The following PPP1R12C variants were observed in gnomAD, a reference collection of about 807,000 sequenced individuals.
PPP1R12C encodes the protein leukocyte receptor cluster (LRC) encoded novel gene 3.
In PPP1R12C, 48 loss-of-function variants were observed where a neutral mutation model predicts 95.6. That is an observed-to-expected ratio of 0.50 (90% CI 0.40 to 0.64). The LOEUF (loss-of-function observed/expected upper bound fraction) is 0.64, where lower values mean the gene tolerates loss of function less well. Ranked by LOEUF, PPP1R12C falls within the 30% of genes least tolerant of loss-of-function variation. PPP1R12C has a pLI of 0.00. For missense variants in PPP1R12C, 1,057 were observed against 1,083.3 expected, an observed-to-expected ratio of 0.98 and a Z score of 0.34; for synonymous variants, 480 against 460.8, an observed-to-expected ratio of 1.04 and a Z score of -0.53.
In PPP1R12C at chr19:55,092,553, G is replaced by A; in HGVS notation, c.1953-9C>T. On this transcript the variant is annotated splice_polypyrimidine_tract_variant and intron_variant, in intron 17 of 21. Coordinates refer to ENST00000263433, the MANE Select transcript of PPP1R12C (RefSeq NM_017607.4). ...GGCCGCCCTCCAGGGTGCTGGGGCA[G>A]GGGAGGAGCGCGCGTCAGGGGCCGG... The A allele has an allele frequency of 6.3e-7, 1 of 1,592,926 alleles. No homozygotes were observed. The highest frequency in any genetic ancestry group is 8.5e-7 in the Non-Finnish European group (1 of 1,170,430).
At chr19:55,104,312 CTA>C (rs1317289207) in intron 3 of PPP1R12C, among the ~76,000 whole-genome samples, 1 of 147,496 alleles carries the variant, frequency 6.8e-6, no homozygotes, top group African/African-American at 2.5e-5. Context: ...TACACATTTC[CTA>C]TATATATAAA....
In PPP1R12C at chr19:55,112,034, G is replaced by A. The variant is rs749886902; in HGVS notation, c.571+433C>T. On this transcript the variant is annotated intron_variant, in intron 3 of 21. Coordinates refer to ENST00000263433, the MANE Select transcript of PPP1R12C (RefSeq NM_017607.4). ...CCCCATATGAAGGCTCCTGGGGTAC[G>A]ATGAGTCTCAGAGGACAGGGAGACC... is the stretch of plus-strand genomic sequence containing the variant. 3.1e-5 allele frequency: 5 copies of A among 159,480 alleles called. 1 individual carries two copies. The highest frequency in any genetic ancestry group is 6.2e-3 in the Middle Eastern group (2 of 322). 9.9% of individuals were successfully genotyped at this position (159,480 alleles called of 1,614,324 possible).
chr19:55,098,820 C>T lies in PPP1R12C; in HGVS notation c.915G>A (p.Leu305=), dbSNP rs1233888505. 2 of 1,613,564 alleles carry T rather than the reference C, an allele frequency of 1.2e-6. No individual in the cohort carries two copies. The highest frequency in any genetic ancestry group is 4.5e-5 in the East Asian group (2 of 44,866). ...RPCDLADEEV[L]SLLEELARKQ... ...TCCGGGCCAGTTCCTCCAACAGGCT[C>T]AGTACTTCCTCATCGGCCAGGTCAC... The change falls in exon 6 of 22, where the codon CTG becomes CTA. Residue 305 remains leucine (L), a synonymous_variant. Transcript: ENST00000263433.
rs140838315 is a variant in PPP1R12C, at chr19:55,091,543, G to A, written c.2278C>T (p.Arg760Cys). The stretch of plus-strand genomic sequence containing the variant: ...TCCTTGAGGCGCTGGTTGTCAGCGC[G>A]GAGGTCAGACAGGGCCTGGGGGACG... ...EEELKALSDL[R>C]ADNQRLKDEN... The change falls in exon 22 of 22, where the codon CGC (arginine) becomes TGC (cysteine). Residue 760 changes from arginine to cysteine, a missense_variant. Transcript: ENST00000263433. 34 of 1,613,672 alleles carry A rather than the reference G, an allele frequency of 2.1e-5. No individual in the cohort carries two copies. Among genetic ancestry groups the A allele is most frequent in the Non-Finnish European group, 2.5e-5 (29 of 1,179,974 alleles).
At chr19:55,116,810 G>A (rs771307841) in intron 1 of PPP1R12C, among the ~76,000 whole-genome samples, 10 of 152,218 alleles carry the variant, frequency 6.6e-5, no homozygotes, top group Non-Finnish European at 1.2e-4. Flanking sequence ...GGCAGGGAAG[G>A]AGACAAAGTC....
Position 55,091,324 on chromosome 19 carries a change from C to T in PPP1R12C, c.*148G>A. 1 of 868,106 alleles carries T rather than the reference C, an allele frequency of 1.2e-6. No individual in the cohort carries two copies. Among genetic ancestry groups the T allele is most frequent in the Non-Finnish European group, 1.8e-6 (1 of 568,148 alleles). 53.8% of individuals were successfully genotyped at this position (868,106 alleles called of 1,614,324 possible). A position where few individuals can be genotyped will look rare whatever the true frequency, so the allele number is the denominator to read the frequency against. On this transcript the variant is annotated 3_prime_UTR_variant, in exon 22 of 22. Transcript: ENST00000263433. The stretch of plus-strand genomic sequence containing the variant: ...GTGGCCCCCTCGGCTCCTGGGGACT[C>T]TGCTCCCCTCCCAGTCCGGAGGTCC...
chr19:55,099,193 A>G (rs992007692), intron 4 of PPP1R12C, 98 bp from the exon 5 acceptor site: 1 of 1,349,002 alleles, frequency 7.4e-7, no homozygotes, highest in African/African-American at 1.5e-5. Flanking sequence ...CCAGGCCACG[A>G]GACTGAAACG....
In PPP1R12C at chr19:55,098,843, C is replaced by A; in HGVS notation, c.892G>T (p.Asp298Tyr). ...CTCAGTACTTCCTCATCGGCCAGGT[C>A]ACAGGGACGCTGCCCCTGGGTCAGG... ...SLTHAGQRPC[D>Y]LADEEVLSLL... The change falls in exon 6 of 22, where the codon GAC (aspartate) becomes TAC (tyrosine). Residue 298 changes from aspartate to tyrosine, a missense_variant. Physicochemically the swap from Asp to Tyr is radical, Grantham distance 160 (BLOSUM62 -3). Transcript: ENST00000263433. 1 of 1,613,426 alleles carries A rather than the reference C, an allele frequency of 6.2e-7. No individual in the cohort carries two copies. Among genetic ancestry groups the A allele is most frequent in the South Asian group, 1.1e-5 (1 of 91,076 alleles).
chr19:55,113,471 C>T (rs1173495876), intron 1 of PPP1R12C: 1 of 1,477,818 alleles, frequency 6.8e-7, no homozygotes, highest in Admixed American at 2.4e-5. Context: ...CAGGGGCTGA[C>T]ACGGGCCACC....
At position 55,096,145 on chromosome 19, in the gene PPP1R12C, C is replaced by T; in HGVS notation, c.1059G>A (p.Lys353=). 1 of 1,599,722 alleles carries T rather than the reference C, an allele frequency of 6.3e-7. No homozygotes were observed. Among genetic ancestry groups the T allele is most frequent in the South Asian group, 1.1e-5 (1 of 89,794 alleles). The change falls in exon 8 of 22, where the codon AAG becomes AAA. Residue 353 remains lysine, a synonymous_variant. Coordinates refer to ENST00000263433, the MANE Select transcript of PPP1R12C (RefSeq NM_017607.4). ...CCTTGGACAAGTCCTGGAGGGAAAT[C>T]TTCTCGCGACTGCTCAGACGACACA... ...SSVCRLSSRE[K]ISLQDLSKER...
intron 6 of PPP1R12C, among the ~76,000 whole-genome samples, chr19:55,097,474 A>G (rs113042860): frequency 2.1e-5 from 2 of 93,092 alleles, no homozygotes; most frequent in Non-Finnish European, 4.1e-5. Context: ...CCGTCTTCAC[A>G]CCTTCCCCGC....
chr19:55,097,357 C>T (rs2084929549), intron 6 of PPP1R12C, among the ~76,000 whole-genome samples: 1 of 120,564 alleles, frequency 8.3e-6, no homozygotes, highest in Admixed American at 8.6e-5. Flanking sequence ...GTCTTCGCCC[C>T]TTCCCCGCAG....
chr19:55,091,264 C>G lies in PPP1R12C; in HGVS notation c.*208G>C. 1.7e-6 allele frequency: 1 copy of G among 595,548 alleles called. No homozygotes were observed. Among genetic ancestry groups the G allele is most frequent in the Non-Finnish European group, 3.0e-6 (1 of 335,850 alleles). 36.9% of individuals were successfully genotyped at this position (595,548 alleles called of 1,614,324 possible). A position where few individuals can be genotyped will look rare whatever the true frequency, so the allele number is the denominator to read the frequency against. On this transcript the variant is annotated 3_prime_UTR_variant, in exon 22 of 22. Coordinates refer to ENST00000263433, the MANE Select transcript of PPP1R12C (RefSeq NM_017607.4). ...GGTCCCCTCTGGCAACGTCCCCCTG[C>G]TTGGCTCGGCCTCCCACCTCCATCC...
At chr19:55,107,513 T>A (rs1162527185) in intron 3 of PPP1R12C, among the ~76,000 whole-genome samples, 1 of 152,146 alleles carries the variant, frequency 6.6e-6, no homozygotes, top group Non-Finnish European at 1.5e-5. Flanking sequence ...CATGGAATAC[T>A]ATGCAGCCAT....
rs1003457961 is a variant in PPP1R12C at position 55,091,361 on chromosome 19, T to C, written c.*111A>G. On this transcript the variant is annotated 3_prime_UTR_variant, in exon 22 of 22. Transcript: ENST00000263433. ...CAGTCCGGAGGTCCCAGGGGGGCTATGGCTTCTCTGAGACTTCCCCCGGAG... is the reference window on the plus strand; with the variant it reads ...CAGTCCGGAGGTCCCAGGGGGGCTACGGCTTCTCTGAGACTTCCCCCGGAG... 1.8e-5 allele frequency: 21 copies of C among 1,163,468 alleles called. No homozygotes were observed. The highest frequency in any genetic ancestry group is 2.1e-4 in the Middle Eastern group (1 of 4,776). The allele number at this position is 1,163,468 out of a possible 1,614,324, so 72.1% of individuals were successfully genotyped here. A position where few individuals can be genotyped will look rare whatever the true frequency, so the allele number is the denominator to read the frequency against.
intron 9 of PPP1R12C, 45 bp downstream of exon 9, chr19:55,095,822 C>T (rs1459738521): frequency 6.3e-7 from 1 of 1,594,998 alleles, no homozygotes; most frequent in Non-Finnish European, 8.6e-7. Context: ...AATCCCACCT[C>T]CGGGCCCTCC....
At chr19:55,100,380 C>T (rs879006470) in intron 4 of PPP1R12C, among the ~76,000 whole-genome samples, 1 of 152,224 alleles carries the variant, frequency 6.6e-6, no homozygotes, top group Admixed American at 6.5e-5. Flanking sequence ...GGGAGGCTGC[C>T]CCACATCCTG....
chr19:55,091,405 C>G lies in PPP1R12C; in HGVS notation c.*67G>C. ...CCCGGAGCCCTGTCACTCGTGTTCACACGGGGGAAGGGGTGCGTGTGGCAG... is the reference window on the plus strand; with the variant it reads ...CCCGGAGCCCTGTCACTCGTGTTCAGACGGGGGAAGGGGTGCGTGTGGCAG... On this transcript the variant is annotated 3_prime_UTR_variant, in exon 22 of 22. Coordinates refer to ENST00000263433, the MANE Select transcript of PPP1R12C (RefSeq NM_017607.4). 6.8e-7 allele frequency: 1 copy of G among 1,470,142 alleles called. No homozygotes were observed. The allele number at this position is 1,470,142 out of a possible 1,614,324, so 91.1% of individuals were successfully genotyped here.
chr19:55,100,636 G>C (rs984173508), intron 4 of PPP1R12C, among the ~76,000 whole-genome samples: 9 of 152,150 alleles, frequency 5.9e-5, no homozygotes, highest in African/African-American at 2.2e-4. Context: ...GTTTTGAGAC[G>C]GAGTCTCACA....
Sources: allele counts gnomAD v4.1 joint callset (sites outside exome capture counted in the v4.1 genomes callset), GRCh38; gene constraint gnomAD v4.1.1; transcripts MANE v1.5; gene names NCBI Gene and HGNC (gene_info 2026-07-23, HGNC 2026-07-21).